PABPC4L: variants seen among roughly 807,000 people sequenced by gnomAD.
PABPC4L encodes poly(A) binding protein cytoplasmic 4 like.
For synonymous variants in PABPC4L, 169 were observed against 164.1 expected (o/e 1.03, Z -0.23); for missense variants, 452 against 451.4 (o/e 1.00, Z -0.01).
At position 134,199,709 on chromosome 4, in the gene PABPC4L, G is replaced by A. The variant is rs72714363; in HGVS notation, c.*198C>T. ...TATTAAAATTAGAAAATGTGCCTCTGTAAAATGAACTAAGCTCCATCTATT... is the reference window on the plus strand; with the variant it reads ...TATTAAAATTAGAAAATGTGCCTCTATAAAATGAACTAAGCTCCATCTATT... On this transcript the variant is annotated 3_prime_UTR_variant, in exon 2 of 2. Coordinates refer to ENST00000421491, the MANE Select transcript of PABPC4L (RefSeq NM_001114734.2). 146,159 of 608,304 alleles carry A rather than the reference G, an allele frequency of 0.24. 19,983 individuals carry two copies. Among genetic ancestry groups the A allele is most frequent in the Admixed American group, 0.28 (7,718 of 27,290 alleles). The allele number at this position is 608,304 out of a possible 1,614,324, so 37.7% of individuals were successfully genotyped here. A position where few individuals can be genotyped will look rare whatever the true frequency, so the allele number is the denominator to read the frequency against.
At chr4:134,034,376 A>G in the PABPC4L span, among the ~76,000 whole-genome samples, 197 of 152,076 alleles carry the variant, frequency 1.3e-3, 1 homozygote, top group African/African-American at 4.5e-3. Context: ...ATGCCTATTA[A>G]CACAACATCC....
chr4:134,047,385 A>G, the PABPC4L span, among the ~76,000 whole-genome samples: 219 of 152,228 alleles, frequency 1.4e-3, no homozygotes, highest in African/African-American at 5.1e-3. Context: ...ACAAAAAGAG[A>G]TGATGGAAAC....
At chr4:133,971,339 C>T in the PABPC4L span, among the ~76,000 whole-genome samples, 1 of 152,022 alleles carries the variant, frequency 6.6e-6, no homozygotes, top group Non-Finnish European at 1.5e-5. Flanking sequence ...TCTCCATCTC[C>T]TGACTTCGTG....
chr4:134,155,711 T>A, the PABPC4L span, among the ~76,000 whole-genome samples: 1 of 151,984 alleles, frequency 6.6e-6, no homozygotes, highest in Non-Finnish European at 1.5e-5. Context: ...CTAGTAGCTG[T>A]CTTCCATGGT....
the PABPC4L span, among the ~76,000 whole-genome samples, chr4:134,050,880 A>ATTTTTTTTTTTTTTTTTTTTTTTTTTT: frequency 7.4e-6 from 1 of 134,732 alleles, no homozygotes. Context: ...ATTGACCTTT[A>ATTTTTTTTTTTTTTTTTTTTTTTTTTT]TTTTTTTTTT....
chr4:134,188,991 T>C, the PABPC4L span, among the ~76,000 whole-genome samples: 1 of 152,104 alleles, frequency 6.6e-6, no homozygotes, highest in Non-Finnish European at 1.5e-5. Context: ...TGGTTTTTTC[T>C]TCACCGTGTT....
chr4:134,200,670 T>C lies in PABPC4L; in HGVS notation c.350A>G (p.His117Arg). The C allele has an allele frequency of 6.4e-7, 1 of 1,551,534 alleles. No homozygotes were observed. The highest frequency in any genetic ancestry group is 8.7e-7 in the Non-Finnish European group (1 of 1,146,946). ...KSIDNKTLYEHFSAFGKILSS... is the reference protein window; with the variant it reads ...KSIDNKTLYERFSAFGKILSS... The stretch of plus-strand genomic sequence containing the variant: ...AAGGATCTTTCCAAAAGCTGAAAAA[T>C]GTTCATAAAGGGTTTTGTTATCGAT... Residue 117 changes from histidine to arginine, a missense_variant, in exon 2 of 2, where the codon CAT becomes CGT. By Grantham distance (29) the His-to-Arg change is conservative. Transcript: ENST00000421491.
chr4:134,063,669 G>A, the PABPC4L span, among the ~76,000 whole-genome samples: 3 of 151,850 alleles, frequency 2.0e-5, no homozygotes, highest in South Asian at 6.2e-4. Flanking sequence ...AAAGGAAACT[G>A]TATGCTAATT....
chr4:134,006,941 G>C, the PABPC4L span, among the ~76,000 whole-genome samples: 2 of 151,768 alleles, frequency 1.3e-5, no homozygotes, highest in African/African-American at 4.8e-5. Flanking sequence ...TGTGAATACT[G>C]TCAAGTTTAT....
chr4:133,966,392 T>C, the PABPC4L span, among the ~76,000 whole-genome samples: 414 of 152,296 alleles, frequency 2.7e-3, 2 homozygotes, highest in Non-Finnish European at 3.4e-3. Flanking sequence ...TGCAAAACAG[T>C]GTGGAGATTC....
chr4:134,177,113 C>T, the PABPC4L span, among the ~76,000 whole-genome samples: 1 of 152,020 alleles, frequency 6.6e-6, no homozygotes, highest in African/African-American at 2.4e-5. Context: ...CTGCCACACC[C>T]CCACCACTGA....
At position 134,201,586 on chromosome 4, in the gene PABPC4L, C is replaced by G. The variant is rs554142638; in HGVS notation, c.-227+132G>C. 3.4e-5 allele frequency: 6 copies of G among 174,116 alleles called. No individual in the cohort carries two copies. In the South Asian group the frequency reaches 3.9e-4, roughly 11 times the overall value. 10.8% of individuals were successfully genotyped at this position (174,116 alleles called of 1,614,324 possible). ...CGCGGGCCAAGGGCGTCCTGAAGAC[C>G]TAGGGGGCCCCTCCGACCTCCCGAC... On this transcript the variant is annotated intron_variant, in intron 1 of 1. Transcript: ENST00000421491.
chr4:134,005,468 T>G, the PABPC4L span, among the ~76,000 whole-genome samples: 4 of 151,896 alleles, frequency 2.6e-5, no homozygotes, highest in Non-Finnish European at 5.9e-5. Flanking sequence ...GAAGAGGATA[T>G]GAATAATGGA....
chr4:133,993,600 T>A, the PABPC4L span, among the ~76,000 whole-genome samples: 1 of 152,190 alleles, frequency 6.6e-6, no homozygotes, highest in South Asian at 2.1e-4. Context: ...CTAGGGTTAA[T>A]ACCTGTTGAA....
At chr4:134,176,973 C>T in the PABPC4L span, among the ~76,000 whole-genome samples, 1 of 152,084 alleles carries the variant, frequency 6.6e-6, no homozygotes, top group Admixed American at 6.6e-5. Context: ...CTGGTGGCCA[C>T]AACCCCAATA....
chr4:134,107,432 C>T, the PABPC4L span, among the ~76,000 whole-genome samples: 7 of 151,452 alleles, frequency 4.6e-5, no homozygotes, highest in African/African-American at 7.3e-5. Context: ...TTAGTTAAAA[C>T]GTGTTTACTT....
chr4:134,169,491 A>C, the PABPC4L span, among the ~76,000 whole-genome samples: 1 of 152,014 alleles, frequency 6.6e-6, no homozygotes, highest in Non-Finnish European at 1.5e-5. Context: ...AATTAGAAAG[A>C]AGTCAAATTA....
chr4:134,016,309 A>G, the PABPC4L span, among the ~76,000 whole-genome samples: 1 of 152,144 alleles, frequency 6.6e-6, no homozygotes. Context: ...TATGCCTTCC[A>G]TATCCTGCAC....
the PABPC4L span, among the ~76,000 whole-genome samples, chr4:134,179,699 CA>C: frequency 6.6e-6 from 1 of 151,814 alleles, no homozygotes; most frequent in Admixed American, 6.6e-5. Context: ...AAAAATCTAG[CA>C]AGTGAATGCA....
Sources: allele counts gnomAD v4.1 joint callset (sites outside exome capture counted in the v4.1 genomes callset), GRCh38; gene constraint gnomAD v4.1.1; transcripts MANE v1.5; gene names NCBI Gene and HGNC (gene_info 2026-07-23, HGNC 2026-07-21).